The following PHF19 variants were observed in gnomAD, a reference collection of about 807,000 sequenced individuals.
The protein encoded by PHF19 is PHD finger protein 19.
In PHF19, 21 loss-of-function variants were observed where a neutral mutation model predicts 79.8. That is an observed-to-expected ratio of 0.26 (90% CI 0.19 to 0.38). PHF19 has a LOEUF of 0.38. PHF19 is among the 10% of genes least tolerant of loss of function. The pLI is 1.00. For missense variants in PHF19, 445 were observed against 744.2 expected, an observed-to-expected ratio of 0.60 and a Z score of 4.68; for synonymous variants, 273 against 296.3, an observed-to-expected ratio of 0.92 and a Z score of 0.81.
At chr9:120,864,823 A>G (rs2045649623) in intron 9 of PHF19, among the ~76,000 whole-genome samples, 2 of 152,198 alleles carry the variant, frequency 1.3e-5, no homozygotes, top group African/African-American at 4.8e-5. Flanking sequence ...CATAGAAGAG[A>G]GTCGGAAAGG....
chr9:120,882,098 C>T (rs2046194538), upstream of PHF19, among the ~76,000 whole-genome samples: 1 of 152,184 alleles, frequency 6.6e-6, no homozygotes, highest in Admixed American at 6.5e-5. Flanking sequence ...CGTGGTGAGC[C>T]AGGTGTGGCA....
chr9:120,901,311 G>T, the PHF19 span, among the ~76,000 whole-genome samples: 1 of 152,076 alleles, frequency 6.6e-6, no homozygotes, highest in Non-Finnish European at 1.5e-5. Context: ...TCCTGCCTCT[G>T]CCTCCCGAGT....
chr9:120,884,630 G>A (rs1306617633), intron 1 of PHF19, among the ~76,000 whole-genome samples: 1 of 152,132 alleles, frequency 6.6e-6, no homozygotes, highest in Non-Finnish European at 1.5e-5. Context: ...ATGCCAGTCT[G>A]GGCACGGTGG....
chr9:120,870,077 G>C lies in PHF19; in HGVS notation c.365-132C>G. 7.5e-7 allele frequency: 1 copy of C among 1,329,738 alleles called. No homozygotes were observed. Among genetic ancestry groups the C allele is most frequent in the South Asian group, 1.4e-5 (1 of 70,162 alleles). 82.4% of individuals were successfully genotyped at this position (1,329,738 alleles called of 1,614,324 possible). On this transcript the variant is annotated intron_variant, in intron 4 of 14. Coordinates refer to ENST00000373896, the MANE Select transcript of PHF19 (RefSeq NM_015651.3). This position sits in a 1 kb window ranked among gnomAD's most constrained non-coding sequence, Gnocchi z 4.4. Reference sequence around the variant, plus strand: ...CTGCCTGCCAGCTGCCGGGAGCCTGGCTGCTGGTGCCCACCAAGATGGCCA... The same window carrying C: ...CTGCCTGCCAGCTGCCGGGAGCCTGCCTGCTGGTGCCCACCAAGATGGCCA...
chr9:120,869,711 G>A lies in PHF19; in HGVS notation c.465+134C>T, dbSNP rs1409057353. The A allele has an allele frequency of 1.3e-6, 2 of 1,556,338 alleles. No individual in the cohort carries two copies. Among genetic ancestry groups the A allele is most frequent in the Non-Finnish European group, 8.7e-7 (1 of 1,149,320 alleles). ...CTACAAATCCTGGCCAAGGACAGTG[G>A]CAGAGGCGCTATCTGTCTCCAAAGC... On this transcript the variant is annotated intron_variant, in intron 5 of 14. Transcript: ENST00000373896. The surrounding 1 kb of genome is among the most constrained non-coding windows in gnomAD (Gnocchi z 5.8).
Position 120,857,923 on chromosome 9 carries a change from C to T in PHF19, c.*21G>A. 2.0e-6 allele frequency: 3 copies of T among 1,471,106 alleles called. No homozygotes were observed. The highest frequency in any genetic ancestry group is 2.8e-6 in the Non-Finnish European group (3 of 1,079,990). 91.1% of individuals were successfully genotyped at this position (1,471,106 alleles called of 1,614,324 possible). A position where few individuals can be genotyped will look rare whatever the true frequency, so the allele number is the denominator to read the frequency against. On this transcript the variant is annotated 3_prime_UTR_variant, in exon 15 of 15. Coordinates refer to ENST00000373896, the MANE Select transcript of PHF19 (RefSeq NM_015651.3). ...TGCTCCTCCTTTGGTTTTCAGGACC[C>T]CTGGCACCCCCGGGGGCTAGTCAGT...
At chr9:120,863,547 G>A (rs2045600312) in intron 10 of PHF19, among the ~76,000 whole-genome samples, 1 of 152,170 alleles carries the variant, frequency 6.6e-6, no homozygotes, top group Admixed American at 6.5e-5. Context: ...CCAGAATACA[G>A]AAAGCAAAGG....
At position 120,869,735 on chromosome 9, in the gene PHF19, G is replaced by A. The variant is rs1276738976; in HGVS notation, c.465+110C>T. 1 of 1,573,624 alleles carries A rather than the reference G, an allele frequency of 6.4e-7. No individual in the cohort carries two copies. The highest frequency in any genetic ancestry group is 1.2e-5 in the South Asian group (1 of 85,768). Reference sequence around the variant, plus strand: ...GGCAGAGGCGCTATCTGTCTCCAAAGCCCAGGTGTGGCCCTTCTGCTTGGA... The same window carrying A: ...GGCAGAGGCGCTATCTGTCTCCAAAACCCAGGTGTGGCCCTTCTGCTTGGA... On this transcript the variant is annotated intron_variant, in intron 5 of 14. Coordinates refer to ENST00000373896, the MANE Select transcript of PHF19 (RefSeq NM_015651.3). This position sits in a 1 kb window ranked among gnomAD's most constrained non-coding sequence, Gnocchi z 5.8.
At chr9:120,882,711 G>A (rs1040886044) in intron 1 of PHF19, among the ~76,000 whole-genome samples, 1 of 151,698 alleles carries the variant, frequency 6.6e-6, no homozygotes, top group Non-Finnish European at 1.5e-5. Flanking sequence ...GCATGGTGGC[G>A]GCCACCTGTA....
chr9:120,868,192 C>G (rs1246433951), intron 6 of PHF19: 1 of 152,460 alleles, frequency 6.6e-6, no homozygotes, highest in Non-Finnish European at 1.5e-5. Context: ...CCACCTCAGC[C>G]TCCTACGAAG....
chr9:120,894,620 G>A (rs2046382172), intron 1 of PHF19, among the ~76,000 whole-genome samples: 1 of 151,812 alleles, frequency 6.6e-6, no homozygotes, highest in Non-Finnish European at 1.5e-5. Context: ...AGAGAAGGCC[G>A]GGCGCGGGCC....
At chr9:120,871,811 G>A (rs907474115) in intron 3 of PHF19, among the ~76,000 whole-genome samples, 5 of 152,082 alleles carry the variant, frequency 3.3e-5, no homozygotes, top group East Asian at 3.9e-4. Flanking sequence ...AGGCCGAGGC[G>A]GGCGGATCAC....
rs143675615 is a variant in PHF19, at chr9:120,867,870, C to T, written c.615-905G>A. Among the ~76,000 whole-genome samples the T allele has an allele frequency of 5.3e-3, 803 of 152,296 alleles. 4 individuals carry two copies. The highest frequency in any genetic ancestry group is 0.01 in the Admixed American group (159 of 15,300). On this transcript the variant is annotated intron_variant, in intron 6 of 14. Transcript: ENST00000373896. Reference sequence around the variant, plus strand: ...GACCCTCCCTCTTACATCTGTGGTTCCTTCCACAATGCCACGTGCACTCAG... The same window carrying T: ...GACCCTCCCTCTTACATCTGTGGTTTCTTCCACAATGCCACGTGCACTCAG...
chr9:120,863,551 G>A (rs969988144), intron 10 of PHF19, among the ~76,000 whole-genome samples: 3 of 152,186 alleles, frequency 2.0e-5, no homozygotes, highest in Non-Finnish European at 2.9e-5. Context: ...AATACAGAAA[G>A]CAAAGGGACA....
At chr9:120,880,978 C>CA (rs1373703294), upstream of PHF19, among the ~76,000 whole-genome samples, 3 of 151,820 alleles carry the variant, frequency 2.0e-5, no homozygotes, top group African/African-American at 4.8e-5. Flanking sequence ...AAACAAACAA[C>CA]AAAAAACCCA....
At chr9:120,880,125 C>G (rs1224688427), upstream of PHF19, among the ~76,000 whole-genome samples, 2 of 152,196 alleles carry the variant, frequency 1.3e-5, no homozygotes, top group Non-Finnish European at 2.9e-5. Flanking sequence ...ATACTCATAG[C>G]TACAATTCAA....
chr9:120,903,038 A>G, the PHF19 span: 2 of 152,314 alleles, frequency 1.3e-5, no homozygotes, highest in Admixed American at 1.3e-4. Context: ...CCTTGGGCTC[A>G]ACACTCGGTG....
At chr9:120,895,941 C>G (rs1029995231), upstream of PHF19, among the ~76,000 whole-genome samples, 2 of 152,220 alleles carry the variant, frequency 1.3e-5, no homozygotes, top group Admixed American at 1.3e-4. Context: ...ATGGGAGCCA[C>G]TGCGCCTGGC....
At chr9:120,887,766 T>C (rs1460622011) in intron 1 of PHF19, among the ~76,000 whole-genome samples, 2 of 152,138 alleles carry the variant, frequency 1.3e-5, no homozygotes, top group Admixed American at 1.3e-4. Context: ...AATCATACTA[T>C]GATATTTGGT....
Sources: allele counts gnomAD v4.1 joint callset (sites outside exome capture counted in the v4.1 genomes callset), GRCh38; gene constraint gnomAD v4.1.1; non-coding constraint Gnocchi (gnomAD v3.1); transcripts MANE v1.5; gene names NCBI Gene and HGNC (gene_info 2026-07-23, HGNC 2026-07-21).